Variants in SRCIN1 observed in about 807,000 individuals in gnomAD.
SRCIN1 encodes P130Cas-associated protein.
A neutral mutation model predicts 116.2 loss-of-function variants in SRCIN1; 50 were observed. The observed-to-expected ratio is 0.43, with a 90% CI of 0.34 to 0.54. The LOEUF (loss-of-function observed/expected upper bound fraction) is 0.54, where lower values mean the gene tolerates loss of function less well. Among genes scored for constraint, SRCIN1 ranks in the 20% least tolerant of loss-of-function variants. The pLI is 0.02. For synonymous variants in SRCIN1, 736 were observed against 750.0 expected, an observed-to-expected ratio of 0.98 and a Z score of 0.30; for missense variants, 1,446 against 1,672.0, an observed-to-expected ratio of 0.86 and a Z score of 2.36.
At chr17:38,564,050 G>T in intron 4 of SRCIN1, 68 bp downstream of exon 4, 3 of 1,506,714 alleles carry the variant, frequency 2.0e-6, no homozygotes, top group South Asian at 2.4e-5. Flanking sequence ...GGAGGAGGGG[G>T]CTCCAGGGAG....
At chr17:38,590,558 C>T (rs1198317241) in intron 1 of SRCIN1, among the ~76,000 whole-genome samples, 1 of 152,216 alleles carries the variant, frequency 6.6e-6, no homozygotes, top group African/African-American at 2.4e-5. Flanking sequence ...CTTGAACACC[C>T]ACACATATTC....
chr17:38,586,706 G>A (rs1011182354), intron 1 of SRCIN1, among the ~76,000 whole-genome samples: 2 of 152,348 alleles, frequency 1.3e-5, no homozygotes, highest in South Asian at 4.1e-4. Context: ...TGGGAGCAGA[G>A]GTGATGCAAA....
intron 1 of SRCIN1, among the ~76,000 whole-genome samples, chr17:38,603,780 T>C (rs1004291061): frequency 7.9e-5 from 12 of 151,930 alleles, no homozygotes; most frequent in African/African-American, 2.9e-4. Context: ...ACCCTCCCCT[T>C]ATGCCCAGAG....
intron 1 of SRCIN1, among the ~76,000 whole-genome samples, chr17:38,598,535 C>A (rs1336079370): frequency 1.3e-5 from 2 of 152,124 alleles, no homozygotes; most frequent in Non-Finnish European, 2.9e-5. Flanking sequence ...AGTCTGGGGG[C>A]CCCTCTATGG....
chr17:38,553,828 A>G (rs1021062797), intron 11 of SRCIN1, among the ~76,000 whole-genome samples: 1 of 152,112 alleles, frequency 6.6e-6, no homozygotes, highest in African/African-American at 2.4e-5. Flanking sequence ...CCAAGCTCCA[A>G]TCCTCACTCT....
chr17:38,561,633 G>C lies in SRCIN1; in HGVS notation c.1530C>G (p.Arg510=). The change falls in exon 7 of 19, where the codon CGC becomes CGG. Residue 510 remains arginine, a synonymous_variant. Coordinates refer to ENST00000617146, the MANE Select transcript of SRCIN1 (RefSeq NM_025248.3). Reference sequence around the variant, plus strand: ...AGACGGACGAGGAGCCCGAGTCCTTGCGGAAGGACTGGCGCACTGGCGAGC... The same window carrying C: ...AGACGGACGAGGAGCCCGAGTCCTTCCGGAAGGACTGGCGCACTGGCGAGC... The part of the protein sequence containing the change: ...SRGSPVRQSF[R]KDSGSSSVFA... 11 of 1,579,166 alleles carry C rather than the reference G, an allele frequency of 7.0e-6. No individual in the cohort carries two copies. The highest frequency in any genetic ancestry group is 1.4e-5 in the African/African-American group (1 of 72,710).
chr17:38,551,507 G>T, intron 14 of SRCIN1, 118 bp from the exon 15 acceptor site: 2 of 881,646 alleles, frequency 2.3e-6, no homozygotes, highest in South Asian at 3.5e-5. Flanking sequence ...CCTCATATTT[G>T]ATCCCACCTC....
At chr17:38,594,660 T>C (rs1256203791) in intron 1 of SRCIN1, among the ~76,000 whole-genome samples, 2 of 152,154 alleles carry the variant, frequency 1.3e-5, no homozygotes, top group African/African-American at 4.8e-5. Flanking sequence ...TCAACAATGC[T>C]GCCTGGGAGG....
chr17:38,568,157 A>C lies in SRCIN1; in HGVS notation c.345+54T>G. 6.2e-7 allele frequency: 1 copy of C among 1,603,932 alleles called. No homozygotes were observed. The highest frequency in any genetic ancestry group is 1.7e-5 in the Admixed American group (1 of 59,430). The stretch of plus-strand genomic sequence containing the variant: ...GCCTGTGCAAGGGAGAGGCAGGGGC[A>C]GGGGAGGGAGAGCACATGCAGTTGT... On this transcript the variant is annotated intron_variant, in intron 3 of 18. Coordinates refer to ENST00000617146, the MANE Select transcript of SRCIN1 (RefSeq NM_025248.3). The surrounding 1 kb of genome is among the most constrained non-coding windows in gnomAD (Gnocchi z 4.5).
Position 38,558,546 on chromosome 17 carries a change from A to AGCAGCCTGAGGGGCTCCGCCTCAGGCAG in SRCIN1, c.2026-145_2026-144insCTGCCTGAGGCGGAGCCCCTCAGGCTGC. 3.4e-6 allele frequency: 3 copies of AGCAGCCTGAGGGGCTCCGCCTCAGGCAG among 879,574 alleles called. No homozygotes were observed. Among genetic ancestry groups the AGCAGCCTGAGGGGCTCCGCCTCAGGCAG allele is most frequent in the Non-Finnish European group, 5.0e-6 (3 of 599,898 alleles). 54.5% of individuals were successfully genotyped at this position (879,574 alleles called of 1,614,324 possible). A position where few individuals can be genotyped will look rare whatever the true frequency, so the allele number is the denominator to read the frequency against. On this transcript the variant is annotated intron_variant, in intron 10 of 18. Transcript: ENST00000617146. The surrounding 1 kb of genome is among the most constrained non-coding windows in gnomAD (Gnocchi z 4.6). ...GCGGCTGCTTGGCTCCGCCTCAGGC[A>AGCAGCCTGAGGGGCTCCGCCTCAGGCAG]GCAGCGAAGGGGTGGGATGGCGAAG... is the stretch of plus-strand genomic sequence containing the variant.
chr17:38,530,407 TGA>T lies in SRCIN1; in HGVS notation c.*2888_*2889del, dbSNP rs1290649457. On this transcript the variant is annotated 3_prime_UTR_variant, in exon 19 of 19. Coordinates refer to ENST00000617146, the MANE Select transcript of SRCIN1 (RefSeq NM_025248.3). ...GTAACACAGCACAGTGGGCGGGGGC[TGA>T]GAGGACCAGGTACAGGGGTCCCCCG... is the stretch of plus-strand genomic sequence containing the variant. The T allele has an allele frequency of 6.5e-6, 1 of 152,900 alleles. No homozygotes were observed. Among genetic ancestry groups the T allele is most frequent in the Non-Finnish European group, 1.5e-5 (1 of 68,682 alleles). 9.5% of individuals were successfully genotyped at this position (152,900 alleles called of 1,614,324 possible). A position where few individuals can be genotyped will look rare whatever the true frequency, so the allele number is the denominator to read the frequency against.
At position 38,566,900 on chromosome 17, in the gene SRCIN1, T is replaced by TCCTTCCTTCCTTC. The variant is rs1374928425; in HGVS notation, c.345+1310_345+1311insGAAGGAAGGAAGG. ...TTCCTTCCTTCCTTCCTTCCTTCCT[T>TCCTTCCTTCCTTC]CTTTCCTTCCTTCCTTCCTTCTTTC... On this transcript the variant is annotated intron_variant, in intron 3 of 18. Transcript: ENST00000617146. Among the ~76,000 whole-genome samples the TCCTTCCTTCCTTC allele has an allele frequency of 1.1e-4, 15 of 131,132 alleles. No individual in the cohort carries two copies. In the South Asian group the frequency reaches 3.2e-3, roughly 28 times the overall value. 86.0% of individuals were successfully genotyped at this position (131,132 alleles called of 152,430 possible).
intron 17 of SRCIN1, among the ~76,000 whole-genome samples, chr17:38,546,890 G>A (rs1046883677): frequency 2.0e-5 from 3 of 146,670 alleles, no homozygotes; most frequent in Middle Eastern, 3.4e-3. Context: ...GTGTGCACAC[G>A]GGAGGCTCTC....
At chr17:38,578,940 C>T (rs1907617878) in intron 1 of SRCIN1, 149 bp from the exon 2 acceptor site, 1 of 941,974 alleles carries the variant, frequency 1.1e-6, no homozygotes, top group South Asian at 1.9e-5. Flanking sequence ...TGCCCAGCAC[C>T]CCACTAGGGA....
At chr17:38,573,031 G>C (rs970213318) in intron 2 of SRCIN1, among the ~76,000 whole-genome samples, 2 of 152,138 alleles carry the variant, frequency 1.3e-5, no homozygotes, top group Admixed American at 6.5e-5. Flanking sequence ...CTGGCGCCCG[G>C]GACTCGGGTT....
intron 2 of SRCIN1, among the ~76,000 whole-genome samples, chr17:38,571,957 C>T (rs376065528): frequency 1.3e-5 from 2 of 152,192 alleles, no homozygotes; most frequent in Non-Finnish European, 2.9e-5. Flanking sequence ...GTTTTCCCCC[C>T]CTCGGCCCTC....
In SRCIN1 at chr17:38,561,649, A is replaced by G. The variant is rs766699703; in HGVS notation, c.1514T>C (p.Val505Ala). The G allele has an allele frequency of 1.3e-6, 2 of 1,565,844 alleles. No individual in the cohort carries two copies. Among genetic ancestry groups the G allele is most frequent in the East Asian group, 4.8e-5 (2 of 41,832 alleles). Residue 505 changes from valine to alanine, a missense_variant, in exon 7 of 19, where the codon GTG becomes GCG. By Grantham distance (64) the Val-to-Ala change is moderately conservative. Around this residue, in one of 5 missense-constraint regions of SRCIN1, gnomAD observed 398 missense variants for 385.6 expected, o/e 1.03. Transcript: ENST00000617146. ...YSGPPSRGSP[V>A]RQSFRKDSGS... Reference sequence around the variant, plus strand: ...CGAGTCCTTGCGGAAGGACTGGCGCACTGGCGAGCCGCGGCTGGGCGGCCC... The same window carrying G: ...CGAGTCCTTGCGGAAGGACTGGCGCGCTGGCGAGCCGCGGCTGGGCGGCCC...
chr17:38,574,268 CT>C (rs1907266091), intron 2 of SRCIN1, among the ~76,000 whole-genome samples: 1 of 152,206 alleles, frequency 6.6e-6, no homozygotes, highest in Admixed American at 6.5e-5. Context: ...GCCCAGGCCC[CT>C]GGTATCCTGC....
At chr17:38,578,137 C>A (rs1907529762) in intron 2 of SRCIN1, among the ~76,000 whole-genome samples, 1 of 152,220 alleles carries the variant, frequency 6.6e-6, no homozygotes, top group South Asian at 2.1e-4. Context: ...AGGCACAGAA[C>A]AACAGTCCCC....
Sources: gnomAD v4.1 joint callset for allele counts (sites outside exome capture counted in the v4.1 genomes callset) on GRCh38, gnomAD v4.1.1 for gene constraint, gnomAD v4.1.1 regional missense constraint, Gnocchi (gnomAD v3.1) non-coding constraint, MANE v1.5 for transcripts, NCBI Gene and HGNC (gene_info 2026-07-23, HGNC 2026-07-21) for gene names.